Variants in FADS2 observed in about 807,000 individuals in gnomAD.
FADS2 encodes acyl-CoA 6-desaturase.
A neutral mutation model predicts 61.2 loss-of-function variants in FADS2; 18 were observed. The ratio of observed to expected loss-of-function variants is 0.29; its 90% confidence interval spans 0.20 to 0.44. The LOEUF (loss-of-function observed/expected upper bound fraction) is 0.44. FADS2 is among the 20% of genes least tolerant of loss of function. FADS2 has a pLI of 1.00. For synonymous variants in FADS2, 203 were observed against 223.9 expected (o/e 0.91, Z 0.83); for missense variants, 322 against 572.7 (o/e 0.56, Z 4.47).
At chr11:61,824,662 G>A (rs1771962667), upstream of FADS2, among the ~76,000 whole-genome samples, 1 of 151,914 alleles carries the variant, frequency 6.6e-6, no homozygotes, top group African/African-American at 2.4e-5. Context: ...CCACAAAAAG[G>A]AACAGACCCT....
chr11:61,839,078 T>C (rs1025912314), intron 2 of FADS2, among the ~76,000 whole-genome samples: 9 of 152,054 alleles, frequency 5.9e-5, no homozygotes, highest in Admixed American at 5.2e-4. Context: ...TGCCCCTGCC[T>C]CTTGTCCCAA....
chr11:61,834,400 C>T (rs2845574), intron 1 of FADS2, among the ~76,000 whole-genome samples: 15,328 of 152,288 alleles, frequency 0.1, 1,351 homozygotes, highest in East Asian at 0.4. Flanking sequence ...TGCATCTTCA[C>T]CTCAGAAGTT....
At chr11:61,819,258 A>G (rs2067014719) in intron 1 of FADS2, among the ~76,000 whole-genome samples, 1 of 152,280 alleles carries the variant, frequency 6.6e-6, no homozygotes, top group Non-Finnish European at 1.5e-5. Context: ...GTTTAGGAAT[A>G]TAGCCTAAGG....
At position 61,828,831 on chromosome 11, in the gene FADS2, C is replaced by T. The variant is rs769262584; in HGVS notation, c.207+234C>T. On this transcript the variant is annotated intron_variant, in intron 1 of 11. Coordinates refer to ENST00000278840, the MANE Select transcript of FADS2 (RefSeq NM_004265.4). This position sits in a 1 kb window ranked among gnomAD's most constrained non-coding sequence, Gnocchi z 6.4. ...GGGAGGCGGCGCTGCGGTGAAAGTC[C>T]CAGCGGTGGAGAACAGGGCAAGCAT... 1 of 535,276 alleles carries T rather than the reference C, an allele frequency of 1.9e-6. No homozygotes were observed. 33.2% of individuals were successfully genotyped at this position (535,276 alleles called of 1,614,324 possible). A position where few individuals can be genotyped will look rare whatever the true frequency, so the allele number is the denominator to read the frequency against.
chr11:61,846,423 T>TC (rs546607925), intron 4 of FADS2, among the ~76,000 whole-genome samples: 1 of 141,326 alleles, frequency 7.1e-6, no homozygotes, highest in East Asian at 2.1e-4. Context: ...TTTTTTTTTT[T>TC]CTCTCTCTCT....
intron 9 of FADS2, 58 bp downstream of exon 9, chr11:61,863,436 A>G: frequency 7.7e-7 from 1 of 1,305,750 alleles, no homozygotes; most frequent in Non-Finnish European, 1.1e-6. Context: ...TCCTGGCCCC[A>G]GATGATCTGC....
At chr11:61,852,921 G>A (rs751991795) in intron 5 of FADS2, among the ~76,000 whole-genome samples, 14 of 152,104 alleles carry the variant, frequency 9.2e-5, no homozygotes, top group Non-Finnish European at 2.1e-4. Context: ...TTGGGAGGCC[G>A]AGGCTGGCGG....
intron 6 of FADS2, 81 bp downstream of exon 6, chr11:61,857,152 C>T (rs2067367063): frequency 8.3e-7 from 1 of 1,207,496 alleles, no homozygotes; most frequent in South Asian, 1.2e-5. Flanking sequence ...TACCTGACAT[C>T]TTTTTCAGAT....
chr11:61,859,657 C>G (rs1713119389), intron 7 of FADS2, among the ~76,000 whole-genome samples: 1 of 152,216 alleles, frequency 6.6e-6, no homozygotes, highest in Non-Finnish European at 1.5e-5. Flanking sequence ...GTTACACCCT[C>G]TCCTTGCCTC....
chr11:61,861,662 C>T (rs569826950), intron 7 of FADS2, among the ~76,000 whole-genome samples: 75 of 152,318 alleles, frequency 4.9e-4, no homozygotes, highest in African/African-American at 1.8e-3. Flanking sequence ...GAGGTCCTGC[C>T]CTCGGCCAAT....
At chr11:61,833,116 G>T (rs2067142318) in intron 1 of FADS2, among the ~76,000 whole-genome samples, 1 of 152,174 alleles carries the variant, frequency 6.6e-6, no homozygotes, top group South Asian at 2.1e-4. Context: ...AAGCGCTTCA[G>T]AATCAGGGTG....
rs1347624667 is a variant in FADS2 at position 61,816,658 on chromosome 11, C to A, written c.141+232C>A. The A allele has an allele frequency of 1.8e-5, 29 of 1,600,012 alleles. No individual in the cohort carries two copies. The highest frequency in any genetic ancestry group is 2.2e-5 in the Non-Finnish European group (26 of 1,174,254). ...CACCTTACGGTCGATCACTAGCCAC[C>A]GCTCCTCGCACCCTGAGCGCTGGGC... On this transcript the variant is annotated intron_variant, in intron 1 of 11. Coordinates refer to the FADS2 transcript ENST00000257261. The surrounding 1 kb of genome is among the most constrained non-coding windows in gnomAD (Gnocchi z 7.0).
intron 4 of FADS2, chr11:61,847,428 T>A (rs953039124): frequency 1.3e-5 from 2 of 152,248 alleles, no homozygotes; most frequent in African/African-American, 4.8e-5. Context: ...CAGCTTTCTG[T>A]CTCTATAGAT....
intron 4 of FADS2, among the ~76,000 whole-genome samples, chr11:61,841,636 CTG>C (rs1249660321): frequency 6.6e-6 from 1 of 151,980 alleles, no homozygotes; most frequent in Non-Finnish European, 1.5e-5. Context: ...TATCTTTAGT[CTG>C]TGTTTTTGGT....
At position 61,857,016 on chromosome 11, in the gene FADS2, C is replaced by T. The variant is rs749700308; in HGVS notation, c.750C>T (p.Gly250=). Residue 250 remains glycine (G), a synonymous_variant, in exon 6 of 12, where the codon GGC becomes GGT. Transcript: ENST00000278840. ...GATCTCTCCTCTCTCCTCAGTACGG[C>T]AAGAAGAAGCTGAAATACCTGCCCT... The part of the protein sequence containing the change: ...VLGEWQPIEY[G]KKKLKYLPYN... 6.2e-7 allele frequency: 1 copy of T among 1,613,790 alleles called. No individual in the cohort carries two copies. The highest frequency in any genetic ancestry group is 8.5e-7 in the Non-Finnish European group (1 of 1,179,796).
chr11:61,831,895 C>T (rs1006990391), intron 1 of FADS2, among the ~76,000 whole-genome samples: 17 of 152,206 alleles, frequency 1.1e-4, no homozygotes, highest in East Asian at 7.7e-4. Flanking sequence ...CCCTCACCCG[C>T]GCCCTAAGAG....
At chr11:61,820,096 T>C (rs1361654452) in intron 1 of FADS2, among the ~76,000 whole-genome samples, 1 of 151,740 alleles carries the variant, frequency 6.6e-6, no homozygotes, top group African/African-American at 2.4e-5. Context: ...TCCCAGCTAC[T>C]TGGGAGGCTG....
chr11:61,857,176 C>T, intron 6 of FADS2, 105 bp downstream of exon 6: 1 of 1,059,302 alleles, frequency 9.4e-7, no homozygotes, highest in East Asian at 2.4e-5. Context: ...GAAAGTGACA[C>T]TAAACTTGTT....
intron 9 of FADS2, 133 bp from the exon 10 acceptor site, chr11:61,863,574 T>A (rs1049831221): frequency 2.5e-6 from 2 of 808,600 alleles, no homozygotes; most frequent in Non-Finnish European, 4.1e-6. Context: ...CTGGGTGGGC[T>A]GAGGCCATCA....
Sources: allele counts gnomAD v4.1 joint callset (sites outside exome capture counted in the v4.1 genomes callset), GRCh38; gene constraint gnomAD v4.1.1; non-coding constraint Gnocchi (gnomAD v3.1); transcripts MANE v1.5; gene names NCBI Gene and HGNC (gene_info 2026-07-23, HGNC 2026-07-21).